KY: variants seen among roughly 807,000 people sequenced by gnomAD.
KY encodes kyphoscoliosis peptidase.
In KY, 43 loss-of-function variants were observed where a neutral mutation model predicts 76.1. The ratio of observed to expected loss-of-function variants is 0.57; its 90% CI spans 0.44 to 0.73. The LOEUF is 0.73. Ranked by LOEUF, KY falls within the 30% of genes least tolerant of loss-of-function variation. The pLI is 0.00. For synonymous variants in KY, 277 were observed against 326.2 expected, an observed-to-expected ratio of 0.85 and a Z score of 1.63; for missense variants, 722 against 828.9, an observed-to-expected ratio of 0.87 and a Z score of 1.58.
At chr3:134,628,122 A>C in intron 4 of KY, 1 of 393,366 alleles carries the variant, frequency 2.5e-6, no homozygotes, top group Non-Finnish European at 4.7e-6. Flanking sequence ...TCCTCCTGGA[A>C]CCTGGTGTTC....
At chr3:134,647,157 G>A (rs1277486693) in intron 2 of KY, among the ~76,000 whole-genome samples, 1 of 152,226 alleles carries the variant, frequency 6.6e-6, no homozygotes, top group East Asian at 1.9e-4. Flanking sequence ...CCCAAGGGAT[G>A]TTAAGTCCTC....
Position 134,601,658 on chromosome 3 carries a change from G to T in KY, c.*1921C>A, listed in dbSNP as rs571565038. 6.6e-6 allele frequency among the ~76,000 whole-genome samples: 1 copy of T among 152,362 alleles called. No individual in the cohort carries two copies. Among genetic ancestry groups the T allele is most frequent in the African/African-American group, 2.4e-5 (1 of 41,584 alleles). On this transcript the variant is annotated 3_prime_UTR_variant, in exon 11 of 11. Transcript: ENST00000423778. ...ACACGAGGCTGGCTGGGTGGCCTCG[G>T]TGGCAGAGACTGCGGAGGGCGCAGG...
At chr3:134,625,734 G>A (rs1963357028) in intron 5 of KY, among the ~76,000 whole-genome samples, 3 of 152,266 alleles carry the variant, frequency 2.0e-5, no homozygotes, top group Admixed American at 6.5e-5. Flanking sequence ...CTGGAGACCT[G>A]AGCATCTCAA....
intron 2 of KY, among the ~76,000 whole-genome samples, chr3:134,643,966 A>G (rs1966107628): frequency 6.6e-6 from 1 of 151,992 alleles, no homozygotes; most frequent in Non-Finnish European, 1.5e-5. Flanking sequence ...AGCTGGGACT[A>G]CAGGTGCCCG....
At chr3:134,609,497 TA>T (rs1432576897) in intron 9 of KY, among the ~76,000 whole-genome samples, 2 of 152,082 alleles carry the variant, frequency 1.3e-5, no homozygotes, top group Non-Finnish European at 2.9e-5. Flanking sequence ...TGTCAAGATT[TA>T]AGGTGCAAAA....
In KY at chr3:134,604,636, A is replaced by G. The variant is rs181927994; in HGVS notation, c.1091-162T>C. On this transcript the variant is annotated intron_variant, in intron 10 of 10. Transcript: ENST00000423778. The stretch of plus-strand genomic sequence containing the variant: ...TCACCACAGTCCATTTCAAGCAACC[A>G]ATATGACTTCACTGAGCATGGCATC... Among the ~76,000 whole-genome samples the G allele has an allele frequency of 5.1e-3, 780 of 152,322 alleles. 2 individuals are homozygous for G. Among genetic ancestry groups the G allele is most frequent in the South Asian group, 9.1e-3 (44 of 4,822 alleles).
At chr3:134,629,761 C>G (rs1577720011) in intron 3 of KY, 66 bp from the exon 4 acceptor site, 2 of 912,460 alleles carry the variant, frequency 2.2e-6, no homozygotes, top group South Asian at 2.8e-5. Context: ...TGCCTCATGA[C>G]TGATGATTGA....
chr3:134,647,172 A>G (rs1024240298), intron 2 of KY, among the ~76,000 whole-genome samples: 2 of 152,162 alleles, frequency 1.3e-5, no homozygotes, highest in African/African-American at 4.8e-5. Context: ...GTCCTCCCCT[A>G]CGGCTCAGCC....
Position 134,629,579 on chromosome 3 carries a change from T to C in KY, c.337+42A>G, listed in dbSNP as rs1224196451. 3 of 1,509,116 alleles carry C rather than the reference T, an allele frequency of 2.0e-6. No homozygotes were observed. The Admixed American group carries it at 5.8e-5, about 29-fold the overall frequency. The allele number at this position is 1,509,116 out of a possible 1,614,324, so 93.5% of individuals were successfully genotyped here. Reference sequence around the variant, plus strand: ...TGGCCCAACCAGCTGCCTTCAATCCTCTCTGCCAGCCCTCCACCATGAGTA... The same window carrying C: ...TGGCCCAACCAGCTGCCTTCAATCCCCTCTGCCAGCCCTCCACCATGAGTA... On this transcript the variant is annotated intron_variant, in intron 4 of 10. Transcript: ENST00000423778.
At position 134,625,180 on chromosome 3, in the gene KY, G is replaced by A. The variant is rs778823171; in HGVS notation, c.401-45C>T. ...TGGTCAGCAGCTGAGACCCACTGAA[G>A]AGGGCTGCCTGGCCTAGGCCTTGCT... On this transcript the variant is annotated intron_variant, in intron 5 of 10. Coordinates refer to ENST00000423778, the MANE Select transcript of KY (RefSeq NM_178554.6). 18 of 1,493,826 alleles carry A rather than the reference G, an allele frequency of 1.2e-5. No individual in the cohort carries two copies. The South Asian group carries it at 1.9e-4, about 16-fold the overall frequency. 92.5% of individuals were successfully genotyped at this position (1,493,826 alleles called of 1,614,324 possible). A position where few individuals can be genotyped will look rare whatever the true frequency, so the allele number is the denominator to read the frequency against.
chr3:134,624,434 C>T (rs2107862146), intron 6 of KY, among the ~76,000 whole-genome samples: 1 of 152,358 alleles, frequency 6.6e-6, no homozygotes, highest in African/African-American at 2.4e-5. Context: ...TTTAAGACCA[C>T]TTAATGTCCT....
intron 8 of KY, among the ~76,000 whole-genome samples, chr3:134,613,922 G>A (rs1961014609): frequency 2.0e-5 from 3 of 152,272 alleles, no homozygotes; most frequent in Admixed American, 6.5e-5. Context: ...ATCACTGGCC[G>A]CACACACTGT....
chr3:134,634,955 T>C (rs1480249149), intron 3 of KY, among the ~76,000 whole-genome samples: 1 of 152,224 alleles, frequency 6.6e-6, no homozygotes, highest in Non-Finnish European at 1.5e-5. Flanking sequence ...AGTGGGATTG[T>C]AAAATAGAAC....
rs564265187 is a variant in KY at position 134,642,991 on chromosome 3, G to C, written c.262+325C>G. 2.6e-5 allele frequency among the ~76,000 whole-genome samples: 4 copies of C among 152,270 alleles called. No homozygotes were observed. In the East Asian group the frequency reaches 7.7e-4, roughly 29 times the overall value. On this transcript the variant is annotated intron_variant, in intron 3 of 10. Coordinates refer to ENST00000423778, the MANE Select transcript of KY (RefSeq NM_178554.6). ...AATAAGTGCATAAGTGGCTTGGCAG[G>C]GTGTCTGGCACATAGTTAGCATTCA...
chr3:134,650,162 T>C (rs755511841), intron 1 of KY, among the ~76,000 whole-genome samples: 4 of 152,376 alleles, frequency 2.6e-5, no homozygotes, highest in Non-Finnish European at 5.9e-5. Flanking sequence ...ACAGTCACTT[T>C]ATTTTACCAA....
intron 8 of KY, among the ~76,000 whole-genome samples, chr3:134,613,810 C>T (rs1960991465): frequency 6.6e-6 from 1 of 152,130 alleles, no homozygotes; most frequent in Non-Finnish European, 1.5e-5. Flanking sequence ...CATGCAAAAT[C>T]CTCTGTATGT....
At position 134,633,556 on chromosome 3, in the gene KY, G is replaced by A. The variant is rs116695888; in HGVS notation, c.263-3861C>T. Among the ~76,000 whole-genome samples the A allele has an allele frequency of 5.8e-3, 877 of 152,088 alleles. 12 individuals carry two copies. The highest frequency in any genetic ancestry group is 0.02 in the African/African-American group (826 of 41,538). On this transcript the variant is annotated intron_variant, in intron 3 of 10. Transcript: ENST00000423778. ...ATGCATTTGACAAAATTTAACATCC[G>A]TTCATGATAAAACCTCTCAACAAAC...
intron 6 of KY, 67 bp downstream of exon 6, chr3:134,624,986 G>A: frequency 7.2e-7 from 1 of 1,391,422 alleles, no homozygotes. Context: ...CTGGGGAGAG[G>A]TTTTGCTGCC....
chr3:134,606,796 G>A (rs1291206671), intron 10 of KY, among the ~76,000 whole-genome samples: 10 of 151,726 alleles, frequency 6.6e-5, no homozygotes, highest in South Asian at 2.1e-4. Context: ...GGGAGTCCAC[G>A]GCTCTTCCAG....
Sources: allele counts gnomAD v4.1 joint callset (sites outside exome capture counted in the v4.1 genomes callset), GRCh38; gene constraint gnomAD v4.1.1; transcripts MANE v1.5; gene names NCBI Gene and HGNC (gene_info 2026-07-23, HGNC 2026-07-21).